The following EIF2AK2 variants were observed in gnomAD, a reference collection of about 807,000 sequenced individuals.
The protein encoded by EIF2AK2 is interferon-induced, double-stranded RNA-activated protein kinase.
Under a neutral mutation model 70.5 loss-of-function variants are expected in EIF2AK2, and 40 were observed. The observed-to-expected ratio is 0.57, with a 90% CI of 0.44 to 0.74. The LOEUF (loss-of-function observed/expected upper bound fraction) is 0.74. EIF2AK2 is among the 30% of genes least tolerant of loss of function. EIF2AK2 has a pLI of 0.00. For synonymous variants in EIF2AK2, 198 were observed against 220.9 expected, an observed-to-expected ratio of 0.90 and a Z score of 0.92; for missense variants, 555 against 644.3, an observed-to-expected ratio of 0.86 and a Z score of 1.50.
At chr2:37,150,617 G>C (rs1675709444) in intron 1 of EIF2AK2, among the ~76,000 whole-genome samples, 1 of 152,138 alleles carries the variant, frequency 6.6e-6, no homozygotes, top group African/African-American at 2.4e-5. Flanking sequence ...CACAATGCTT[G>C]CTTCAGGGAA....
intron 3 of EIF2AK2, among the ~76,000 whole-genome samples, chr2:37,147,229 A>T (rs1428183029): frequency 6.6e-6 from 1 of 152,154 alleles, no homozygotes; most frequent in Non-Finnish European, 1.5e-5. Context: ...CACTCTCACA[A>T]AACTAAAGTG....
chr2:37,138,568 G>C lies in EIF2AK2; in HGVS notation c.534C>G (p.Ser178=), dbSNP rs769967437. ...EETSVKSDYL[S]SGSFATTCES... The stretch of plus-strand genomic sequence containing the variant: ...CACACGTAGTAGCAAAAGAACCAGA[G>C]GACAGGTAGTCAGATTTCTGAAAGA... The change falls in exon 7 of 17, where the codon TCC becomes TCG. Residue 178 remains serine (S), a synonymous_variant. Transcript: ENST00000233057. 4 of 1,614,038 alleles carry C rather than the reference G, an allele frequency of 2.5e-6. No homozygotes were observed. Among genetic ancestry groups the C allele is most frequent in the East Asian group, 4.5e-5 (2 of 44,858 alleles).
At chr2:37,142,626 A>G (rs529084135) in intron 4 of EIF2AK2, among the ~76,000 whole-genome samples, 51 of 151,704 alleles carry the variant, frequency 3.4e-4, no homozygotes, top group African/African-American at 1.1e-3. Flanking sequence ...TAATAATTAT[A>G]CTTTGCACTT....
intron 10 of EIF2AK2, among the ~76,000 whole-genome samples, chr2:37,130,098 T>TTTATTTTA (rs1443928634): frequency 2.0e-5 from 3 of 152,104 alleles, no homozygotes; most frequent in African/African-American, 7.2e-5. Flanking sequence ...CTGCCAATAT[T>TTTATTTTA]TTATTTTATT....
At chr2:37,127,156 G>A (rs1302209853) in intron 10 of EIF2AK2, among the ~76,000 whole-genome samples, 6 of 152,004 alleles carry the variant, frequency 3.9e-5, no homozygotes, top group African/African-American at 7.2e-5. Context: ...CTCAAGCTTC[G>A]TGTTCCATCA....
chr2:37,131,145 A>T (rs1674925938), intron 10 of EIF2AK2, among the ~76,000 whole-genome samples: 2 of 152,210 alleles, frequency 1.3e-5, no homozygotes, highest in African/African-American at 4.8e-5. Flanking sequence ...GGAAATCTTG[A>T]TCAACCACTC....
chr2:37,123,199 A>G (rs551922048), intron 11 of EIF2AK2, among the ~76,000 whole-genome samples: 3 of 152,228 alleles, frequency 2.0e-5, no homozygotes, highest in Admixed American at 1.3e-4. Flanking sequence ...CAGCGACTTA[A>G]TGCCAAGCAT....
Position 37,149,804 on chromosome 2 carries a change from A to G in EIF2AK2, c.-183-781T>C, listed in dbSNP as rs530550397. On this transcript the variant is annotated intron_variant, in intron 1 of 16. Coordinates refer to ENST00000233057, the MANE Select transcript of EIF2AK2 (RefSeq NM_001135651.3). ...GTGACCAGTCGTGTTACTTGTTTCA[A>G]ATTCTTCCAGTGGTTGGTCCCTGTG... Among the ~76,000 whole-genome samples the G allele has an allele frequency of 5.3e-5, 8 of 152,266 alleles. No individual in the cohort carries two copies. In the South Asian group the frequency reaches 1.7e-3, roughly 32 times the overall value.
chr2:37,141,581 A>G lies in EIF2AK2; in HGVS notation c.361T>C (p.Cys121Arg), dbSNP rs1229512382. The G allele has an allele frequency of 6.2e-7, 1 of 1,613,894 alleles. No individual in the cohort carries two copies. Among genetic ancestry groups the G allele is most frequent in the African/African-American group, 1.3e-5 (1 of 74,922 alleles). Residue 121 changes from cysteine to arginine, a missense_variant, in exon 5 of 17, where the codon TGT becomes CGT. This residue lies in a region of EIF2AK2 where 208 missense variants were observed against 191.8 expected (regional missense o/e 1.08). Coordinates refer to ENST00000233057, the MANE Select transcript of EIF2AK2 (RefSeq NM_001135651.3). ...KKRLTVNYEQCASGVHGPEGF... is the reference protein window; with the variant it reads ...KKRLTVNYEQRASGVHGPEGF... ...TCTGGCCCATGCACCCCCGATGCAC[A>G]CTGTTCATAATTTACAGTTAGTCTT...
intron 12 of EIF2AK2, among the ~76,000 whole-genome samples, chr2:37,121,377 A>C (rs1437778998): frequency 6.6e-6 from 1 of 152,044 alleles, no homozygotes; most frequent in Non-Finnish European, 1.5e-5. Context: ...CATGAATACA[A>C]TGCAGGAAAC....
At chr2:37,155,772 C>T (rs1218681470) in intron 1 of EIF2AK2, among the ~76,000 whole-genome samples, 1 of 152,002 alleles carries the variant, frequency 6.6e-6, no homozygotes, top group African/African-American at 2.4e-5. Context: ...GAAACCCTGT[C>T]TCTACTAAAA....
intron 10 of EIF2AK2, among the ~76,000 whole-genome samples, chr2:37,133,066 G>A (rs971702181): frequency 1.3e-5 from 2 of 151,952 alleles, no homozygotes; most frequent in Non-Finnish European, 2.9e-5. Flanking sequence ...CAAGCCCTAC[G>A]AATCACCTGG....
chr2:37,115,010 G>A (rs376714065), intron 13 of EIF2AK2, 151 bp from the exon 14 acceptor site: 59 of 398,946 alleles, frequency 1.5e-4, no homozygotes, highest in African/African-American at 1.0e-3. Context: ...AATATGACTC[G>A]TCTTTAAAAT....
At chr2:37,118,323 T>A (rs561491580) in intron 13 of EIF2AK2, among the ~76,000 whole-genome samples, 7 of 151,896 alleles carry the variant, frequency 4.6e-5, no homozygotes, top group East Asian at 3.9e-4. Context: ...CAAAAAAAAA[T>A]AAAAATTAAA....
chr2:37,131,235 AC>A (rs2148691021), intron 10 of EIF2AK2, among the ~76,000 whole-genome samples: 1 of 151,838 alleles, frequency 6.6e-6, no homozygotes, highest in South Asian at 2.1e-4. Context: ...GGCCTTCCAA[AC>A]CCCCTAAGAC....
At chr2:37,138,113 A>C (rs1351211286) in intron 8 of EIF2AK2, among the ~76,000 whole-genome samples, 157 bp downstream of exon 8, 1 of 151,694 alleles carries the variant, frequency 6.6e-6, no homozygotes, top group Non-Finnish European at 1.5e-5. Flanking sequence ...CATCTCAAAA[A>C]AAAAAAAAAA....
rs1216760013 is a variant in EIF2AK2, at chr2:37,138,511, T to C, written c.591A>G (p.Thr197=). The C allele has an allele frequency of 6.2e-7, 1 of 1,614,020 alleles. No homozygotes were observed. The highest frequency in any genetic ancestry group is 2.2e-5 in the East Asian group (1 of 44,852). The change falls in exon 7 of 17, where the codon ACA becomes ACG. Residue 197 remains threonine, a splice_region_variant and synonymous_variant. Transcript: ENST00000233057. The part of the protein sequence containing the change: ...ESQSNSLVTS[T]LASESSSEGD... ...CTCAATTGTTTGTCTACACTTACAG[T>C]GTGCTGGTCACTAAAGAGTTGCTTT...
intron 13 of EIF2AK2, among the ~76,000 whole-genome samples, chr2:37,116,590 C>T (rs1558410600): frequency 1.3e-5 from 2 of 152,102 alleles, no homozygotes; most frequent in African/African-American, 2.4e-5. Flanking sequence ...GAGGAGCTTC[C>T]GAGAAGCCAG....
intron 4 of EIF2AK2, among the ~76,000 whole-genome samples, chr2:37,144,364 T>A (rs1170510137): frequency 1.4e-5 from 2 of 146,858 alleles, no homozygotes; most frequent in South Asian, 2.1e-4. Context: ...TCCTTCTACT[T>A]AAAAAAAAAA....
Sources: allele counts gnomAD v4.1 joint callset (sites outside exome capture counted in the v4.1 genomes callset), GRCh38; gene constraint gnomAD v4.1.1; regional missense constraint gnomAD v4.1.1; transcripts MANE v1.5; gene names NCBI Gene and HGNC (gene_info 2026-07-23, HGNC 2026-07-21).